The following KCNMA1 variants were observed in gnomAD, a reference collection of about 807,000 sequenced individuals.
The protein encoded by KCNMA1 is Calcium-activated potassium channel subunit alpha-1.
In KCNMA1, 29 loss-of-function variants were observed where a neutral mutation model predicts 140.0. That is an observed-to-expected ratio of 0.21 (90% CI 0.15 to 0.28). The LOEUF (loss-of-function observed/expected upper bound fraction) is 0.28, where lower values mean the gene tolerates loss of function less well. Among genes scored for constraint, KCNMA1 ranks in the 10% least tolerant of loss-of-function variants. KCNMA1 has a pLI of 1.00. For synonymous variants in KCNMA1, 612 were observed against 611.9 expected (o/e 1.00, Z 0.00); for missense variants, 880 against 1,602.2 (o/e 0.55, Z 7.70).
chr10:76,901,069 G>A (rs1194845203), intron 25 of KCNMA1, among the ~76,000 whole-genome samples: 1 of 152,046 alleles, frequency 6.6e-6, no homozygotes, highest in Non-Finnish European at 1.5e-5. Flanking sequence ...CCACAGACTG[G>A]AGTCTCATAA....
intron 1 of KCNMA1, among the ~76,000 whole-genome samples, chr10:77,594,431 C>T (rs2080175788): frequency 1.3e-5 from 2 of 152,166 alleles, no homozygotes; most frequent in South Asian, 2.1e-4. Context: ...TGTGTCCTGT[C>T]GGATGGGGCC....
At chr10:77,284,050 C>T (rs1243316538) in intron 2 of KCNMA1, among the ~76,000 whole-genome samples, 1 of 152,122 alleles carries the variant, frequency 6.6e-6, no homozygotes, top group Non-Finnish European at 1.5e-5. Flanking sequence ...ACAGCACATG[C>T]AAAGCCCAGT....
intron 1 of KCNMA1, among the ~76,000 whole-genome samples, chr10:77,476,631 A>G (rs2098285197): frequency 6.6e-6 from 1 of 152,160 alleles, no homozygotes; most frequent in African/African-American, 2.4e-5. Context: ...CCTTTTTATG[A>G]GGAAGAAAAT....
intron 5 of KCNMA1, among the ~76,000 whole-genome samples, chr10:77,155,412 A>T (rs911390850): frequency 6.6e-6 from 1 of 152,144 alleles, no homozygotes; most frequent in African/African-American, 2.4e-5. Flanking sequence ...TCCCCATTTT[A>T]CAGATGTGGC....
chr10:76,876,573 A>C (rs1465703234), downstream of KCNMA1: 2 of 152,522 alleles, frequency 1.3e-5, no homozygotes, highest in Non-Finnish European at 2.9e-5. Flanking sequence ...TATGAAGTGC[A>C]TTCGTTGCTT....
intron 2 of KCNMA1, among the ~76,000 whole-genome samples, chr10:77,363,868 C>T (rs2094163471): frequency 6.6e-6 from 1 of 152,174 alleles, no homozygotes; most frequent in Non-Finnish European, 1.5e-5. Flanking sequence ...CCACTCCTGC[C>T]CCCTTCTCTC....
At chr10:77,461,306 G>C (rs1041447740) in intron 1 of KCNMA1, among the ~76,000 whole-genome samples, 1 of 149,894 alleles carries the variant, frequency 6.7e-6, no homozygotes, top group Admixed American at 6.6e-5. Context: ...CTTCCAAGTT[G>C]CTCTTCTGTG....
chr10:77,436,957 T>TACACACACACACACACAC (rs10536103), intron 1 of KCNMA1, among the ~76,000 whole-genome samples: 3 of 134,762 alleles, frequency 2.2e-5, no homozygotes, highest in African/African-American at 8.4e-5. Context: ...CTTCTTTCTT[T>TACACACACACACACACAC]ACACACACAC....
chr10:77,630,552 G>A (rs923824542), intron 1 of KCNMA1, among the ~76,000 whole-genome samples: 11 of 152,112 alleles, frequency 7.2e-5, no homozygotes, highest in African/African-American at 1.9e-4. Context: ...TCCACCCAAC[G>A]ATCTGGCAGA....
Position 77,440,275 on chromosome 10 carries a change from C to T in KCNMA1, c.379-36252G>A, listed in dbSNP as rs558651809. Among the ~76,000 whole-genome samples, 15 of 152,334 alleles carry T rather than the reference C, an allele frequency of 9.8e-5. No homozygotes were observed. The East Asian group carries it at 1.4e-3, about 14-fold the overall frequency. The stretch of plus-strand genomic sequence containing the variant: ...AGAGCCCTGGTCTAAGCGCTTTGCA[C>T]GTTTTTAATACTGACATCAACTCTA... On this transcript the variant is annotated intron_variant, in intron 1 of 27. Coordinates refer to ENST00000286628, the MANE Select transcript of KCNMA1 (RefSeq NM_001161352.2).
chr10:77,474,263 C>A (rs137893914), intron 1 of KCNMA1, among the ~76,000 whole-genome samples: 2 of 152,282 alleles, frequency 1.3e-5, no homozygotes, highest in East Asian at 1.9e-4. Flanking sequence ...ATATCCTAAT[C>A]CCCAGGACCT....
chr10:77,239,547 T>C (rs533111706), intron 3 of KCNMA1, among the ~76,000 whole-genome samples: 167 of 152,316 alleles, frequency 1.1e-3, no homozygotes, highest in Non-Finnish European at 1.6e-3. Context: ...TATTTCTTCC[T>C]GAGAGTGTCC....
At chr10:77,262,707 C>G (rs192507375) in intron 2 of KCNMA1, among the ~76,000 whole-genome samples, 3 of 152,002 alleles carry the variant, frequency 2.0e-5, no homozygotes, top group Admixed American at 1.3e-4. Context: ...CTCCTGCTCC[C>G]TCTCTTGCCA....
intron 2 of KCNMA1, among the ~76,000 whole-genome samples, chr10:77,282,138 T>C (rs988717307): frequency 6.6e-6 from 1 of 152,186 alleles, no homozygotes; most frequent in African/African-American, 2.4e-5. Flanking sequence ...TCTCCCCAGC[T>C]TTTTCCCACT....
At chr10:77,465,879 C>A (rs958273865) in intron 1 of KCNMA1, among the ~76,000 whole-genome samples, 1 of 152,174 alleles carries the variant, frequency 6.6e-6, no homozygotes, top group South Asian at 2.1e-4. Context: ...TGACGCTTCC[C>A]GGGGCTGGGC....
At position 77,637,654 on chromosome 10, in the gene KCNMA1, G is replaced by A. The variant is rs1210389451; in HGVS notation, c.-12C>T. The A allele has an allele frequency of 9.5e-5, 142 of 1,499,838 alleles. 1 individual carries two copies. The highest frequency in any genetic ancestry group is 1.1e-4 in the Non-Finnish European group (122 of 1,131,296). The allele number at this position is 1,499,838 out of a possible 1,614,324, so 92.9% of individuals were successfully genotyped here. A position where few individuals can be genotyped will look rare whatever the true frequency, so the allele number is the denominator to read the frequency against. On this transcript the variant is annotated 5_prime_UTR_variant, in exon 1 of 28. Coordinates refer to ENST00000286628, the MANE Select transcript of KCNMA1 (RefSeq NM_001161352.2). ...CCACCATTTGCCATAGCTAGCAACG[G>A]GCAGCCGGCGCAGGGGCTCGGGGGA...
In KCNMA1 at chr10:76,970,081, C is replaced by A. The variant is rs1443161922; in HGVS notation, c.2267-14G>T. ...GCTCATCTTCAACTGGAAATACAGG[C>A]AGCTCATGAGATTATGAACAGTTTG... On this transcript the variant is annotated splice_polypyrimidine_tract_variant and intron_variant, in intron 19 of 27. Coordinates refer to ENST00000286628, the MANE Select transcript of KCNMA1 (RefSeq NM_001161352.2). 5.0e-6 allele frequency: 8 copies of A among 1,607,354 alleles called. No homozygotes were observed. Among genetic ancestry groups the A allele is most frequent in the Non-Finnish European group, 6.8e-6 (8 of 1,174,064 alleles).
intron 2 of KCNMA1, among the ~76,000 whole-genome samples, chr10:77,298,758 C>T (rs899840456): frequency 3.3e-5 from 5 of 152,172 alleles, no homozygotes; most frequent in African/African-American, 7.2e-5. Flanking sequence ...AAATGGCCCT[C>T]GGCATCCAGC....
chr10:77,086,877 A>G (rs2153775416), intron 10 of KCNMA1, among the ~76,000 whole-genome samples: 1 of 152,344 alleles, frequency 6.6e-6, no homozygotes, highest in South Asian at 2.1e-4. Context: ...TGGAATTCCT[A>G]TCTTATAAAT....
Sources: allele counts gnomAD v4.1 joint callset (sites outside exome capture counted in the v4.1 genomes callset), GRCh38; gene constraint gnomAD v4.1.1; transcripts MANE v1.5; gene names NCBI Gene and HGNC (gene_info 2026-07-23, HGNC 2026-07-21).